The following GPCPD1 variants were observed in gnomAD, a reference collection of about 807,000 sequenced individuals.
GPCPD1 encodes glycerophosphocholine phosphodiesterase 1, also known as glycerophosphocholine phosphodiesterase GPCPD1.
Under a neutral mutation model 89.2 loss-of-function variants are expected in GPCPD1, and 29 were observed. That is an observed-to-expected ratio of 0.33 (90% confidence interval 0.24 to 0.44). The LOEUF is 0.44. Ranked by LOEUF, GPCPD1 falls within the 20% of genes least tolerant of loss-of-function variation. GPCPD1 has a pLI of 1.00. For missense variants in GPCPD1, 594 were observed against 808.9 expected, an observed-to-expected ratio of 0.73 and a Z score of 3.22; for synonymous variants, 258 against 266.3, an observed-to-expected ratio of 0.97 and a Z score of 0.30.
At chr20:5,566,048 C>T (rs6139762) in intron 14 of GPCPD1, among the ~76,000 whole-genome samples, 40,548 of 151,912 alleles carry the variant, frequency 0.27, 6,674 homozygotes, top group South Asian at 0.37. Context: ...TATATAGTTA[C>T]GTTTATGCTC....
At chr20:5,551,874 C>A (rs1008741295) in intron 19 of GPCPD1, among the ~76,000 whole-genome samples, 3 of 152,176 alleles carry the variant, frequency 2.0e-5, no homozygotes. Context: ...ATTGAAAACA[C>A]ACTCACACAC....
At chr20:5,610,058 G>C (rs1381263288) in intron 1 of GPCPD1, among the ~76,000 whole-genome samples, 1 of 152,132 alleles carries the variant, frequency 6.6e-6, no homozygotes, top group Non-Finnish European at 1.5e-5. Context: ...GTCTACATCA[G>C]ACTAACAGCT....
rs1568634323 is a variant in GPCPD1 at position 5,545,519 on chromosome 20, A to G, written c.*2142T>C. On this transcript the variant is annotated 3_prime_UTR_variant, in exon 20 of 20. Transcript: ENST00000379019. ...AAGAAGAAATGAGTTTGGCAGAGAGAAAGTGACTATGGGAGGAGAGGGCTC... is the reference window on the plus strand; with the variant it reads ...AAGAAGAAATGAGTTTGGCAGAGAGGAAGTGACTATGGGAGGAGAGGGCTC... The G allele has an allele frequency of 6.6e-6, 1 of 152,386 alleles. No homozygotes were observed. The highest frequency in any genetic ancestry group is 2.4e-5 in the African/African-American group (1 of 41,442). The allele number at this position is 152,386 out of a possible 1,614,324, so 9.4% of individuals were successfully genotyped here. A position where few individuals can be genotyped will look rare whatever the true frequency, so the allele number is the denominator to read the frequency against.
At chr20:5,591,656 T>C (rs1306084309) in intron 4 of GPCPD1, among the ~76,000 whole-genome samples, 1 of 152,270 alleles carries the variant, frequency 6.6e-6, no homozygotes, top group Non-Finnish European at 1.5e-5. Flanking sequence ...ATTACTTCTA[T>C]TATTTGACAA....
intron 15 of GPCPD1, among the ~76,000 whole-genome samples, chr20:5,564,288 C>T (rs747071079): frequency 1.4e-4 from 21 of 151,504 alleles, no homozygotes; most frequent in Non-Finnish European, 2.4e-4. Flanking sequence ...TGAAGAAACT[C>T]GCTTCCCTCT....
At chr20:5,564,880 G>C in intron 15 of GPCPD1, 137 bp downstream of exon 15, 1 of 668,812 alleles carries the variant, frequency 1.5e-6, no homozygotes, top group Non-Finnish European at 2.7e-6. Flanking sequence ...TTCTCTAAAA[G>C]GCACCAATGA....
chr20:5,595,597 C>A (rs999743964), intron 3 of GPCPD1, among the ~76,000 whole-genome samples: 2 of 152,100 alleles, frequency 1.3e-5, no homozygotes, highest in East Asian at 3.9e-4. Flanking sequence ...GCCCAGATCG[C>A]GCCACTGTAC....
chr20:5,547,577 C>T lies in GPCPD1; in HGVS notation c.*84G>A. Reference sequence around the variant, plus strand: ...TCATTGAACTGAGAAGCCCAAAAGGCATAGATCAACAATGCTCAGTGATGA... The same window carrying T: ...TCATTGAACTGAGAAGCCCAAAAGGTATAGATCAACAATGCTCAGTGATGA... On this transcript the variant is annotated 3_prime_UTR_variant, in exon 20 of 20. Coordinates refer to ENST00000379019, the MANE Select transcript of GPCPD1 (RefSeq NM_019593.5). The T allele has an allele frequency of 1.5e-6, 1 of 666,270 alleles. No individual in the cohort carries two copies. Among genetic ancestry groups the T allele is most frequent in the East Asian group, 2.6e-5 (1 of 38,854 alleles). The allele number at this position is 666,270 out of a possible 1,614,324, so 41.3% of individuals were successfully genotyped here. A position where few individuals can be genotyped will look rare whatever the true frequency, so the allele number is the denominator to read the frequency against.
At chr20:5,548,913 T>C in intron 19 of GPCPD1, 1 of 1,042,444 alleles carries the variant, frequency 9.6e-7, no homozygotes, top group African/African-American at 1.6e-5. Flanking sequence ...ATCAGGAGGT[T>C]GCTAACCCAG....
chr20:5,573,776 G>A (rs1986853652), intron 11 of GPCPD1, 139 bp downstream of exon 11: 1 of 734,962 alleles, frequency 1.4e-6, no homozygotes, highest in East Asian at 2.5e-5. Flanking sequence ...TGGTTCTATT[G>A]TCTTCATTCC....
intron 8 of GPCPD1, among the ~76,000 whole-genome samples, chr20:5,576,201 A>G (rs1978288384): frequency 6.6e-6 from 1 of 151,968 alleles, no homozygotes; most frequent in Admixed American, 6.6e-5. Flanking sequence ...CAGGCAGATC[A>G]CAAGGTCAGG....
intron 4 of GPCPD1, among the ~76,000 whole-genome samples, chr20:5,587,684 G>T (rs972583957): frequency 5.9e-5 from 9 of 152,002 alleles, no homozygotes; most frequent in African/African-American, 2.2e-4. Flanking sequence ...CTCTTAAAAA[G>T]CCTAGGCATA....
At chr20:5,578,884 T>TA (rs903502725) in intron 7 of GPCPD1, among the ~76,000 whole-genome samples, 17 of 150,972 alleles carry the variant, frequency 1.1e-4, no homozygotes, top group Non-Finnish European at 1.8e-4. Context: ...ATTCTTTCAT[T>TA]AAAAAAAAAT....
At position 5,581,814 on chromosome 20, in the gene GPCPD1, C is replaced by CTTTTTTTTTTT. The variant is rs11479995; in HGVS notation, c.350-1694_350-1684dup. Among the ~76,000 whole-genome samples, 63 of 75,030 alleles carry CTTTTTTTTTTT rather than the reference C, an allele frequency of 8.4e-4. 9 individuals carry two copies. Among genetic ancestry groups the CTTTTTTTTTTT allele is most frequent in the African/African-American group, 3.7e-3 (49 of 13,094 alleles). 49.2% of individuals were successfully genotyped at this position (75,030 alleles called of 152,430 possible). ...ATGCTTAATAATTGTGGGACTTTAA[C>CTTTTTTTTTTT]TTTTTTTTTTTTTTTTTTTTTTTTT... On this transcript the variant is annotated intron_variant, in intron 6 of 19. Transcript: ENST00000379019.
At chr20:5,578,969 CT>C (rs528307702) in intron 7 of GPCPD1, among the ~76,000 whole-genome samples, 159 of 152,252 alleles carry the variant, frequency 1.0e-3, no homozygotes, top group African/African-American at 3.6e-3. Context: ...GGGAGGATTG[CT>C]TGAGCTCAGA....
At chr20:5,566,141 A>T (rs1314403802) in intron 14 of GPCPD1, among the ~76,000 whole-genome samples, 1 of 152,222 alleles carries the variant, frequency 6.6e-6, no homozygotes, top group Non-Finnish European at 1.5e-5. Flanking sequence ...AATTACAGAT[A>T]AACACCTATA....
chr20:5,576,036 C>CAT, intron 8 of GPCPD1, 58 bp from the exon 9 acceptor site: 2 of 726,556 alleles, frequency 2.8e-6, no homozygotes, highest in Non-Finnish European at 4.7e-6. Context: ...TACATACATA[C>CAT]ATATACACAC....
chr20:5,597,031 T>C (rs1008534749), intron 3 of GPCPD1, among the ~76,000 whole-genome samples: 1 of 152,144 alleles, frequency 6.6e-6, no homozygotes, highest in Non-Finnish European at 1.5e-5. Flanking sequence ...CAGAAAGATA[T>C]GAGGTTTCAC....
At position 5,546,252 on chromosome 20, in the gene GPCPD1, TAA is replaced by T. The variant is rs1985020656; in HGVS notation, c.*1407_*1408del. On this transcript the variant is annotated 3_prime_UTR_variant, in exon 20 of 20. Transcript: ENST00000379019. The stretch of plus-strand genomic sequence containing the variant: ...CTGACCAAAATTGCATTGCTTAGCT[TAA>T]AAAATACTACACAATGTATAATTTC... 1 of 152,198 alleles carries T rather than the reference TAA, an allele frequency of 6.6e-6. No homozygotes were observed. Among genetic ancestry groups the T allele is most frequent in the Non-Finnish European group, 1.5e-5 (1 of 68,026 alleles). The allele number at this position is 152,198 out of a possible 1,614,324, so 9.4% of individuals were successfully genotyped here. A position where few individuals can be genotyped will look rare whatever the true frequency, so the allele number is the denominator to read the frequency against.
Sources: allele counts gnomAD v4.1 joint callset (sites outside exome capture counted in the v4.1 genomes callset), GRCh38; gene constraint gnomAD v4.1.1; transcripts MANE v1.5; gene names NCBI Gene and HGNC (gene_info 2026-07-23, HGNC 2026-07-21).